Variants in LSAMP observed in about 807,000 individuals in gnomAD.
LSAMP encodes the protein limbic system associated membrane protein, also known as limbic system-associated membrane protein.
In LSAMP, 7 loss-of-function variants were observed where a neutral mutation model predicts 38.6. The ratio of observed to expected loss-of-function variants is 0.18; its 90% CI spans 0.10 to 0.34. LSAMP has a LOEUF of 0.34. Ranked by LOEUF, LSAMP falls within the 10% of genes least tolerant of loss-of-function variation. The pLI is 1.00. For synonymous variants in LSAMP, 154 were observed against 166.8 expected, an observed-to-expected ratio of 0.92 and a Z score of 0.59; for missense variants, 313 against 420.0, an observed-to-expected ratio of 0.75 and a Z score of 2.23.
At chr3:116,089,458 C>A (rs915179336) in intron 1 of LSAMP, among the ~76,000 whole-genome samples, 2 of 152,116 alleles carry the variant, frequency 1.3e-5, no homozygotes, top group Non-Finnish European at 2.9e-5. Context: ...CCCAGGTTCA[C>A]GCCATTCTCC....
chr3:116,167,158 A>G lies in LSAMP; in HGVS notation c.156-80602T>C, dbSNP rs199833152. Among the ~76,000 whole-genome samples, 32 of 152,126 alleles carry G rather than the reference A, an allele frequency of 2.1e-4. No individual in the cohort carries two copies. The East Asian group carries it at 5.0e-3, about 24-fold the overall frequency. On this transcript the variant is annotated intron_variant, in intron 1 of 6. Coordinates refer to ENST00000490035, the MANE Select transcript of LSAMP (RefSeq NM_002338.5). Reference sequence around the variant, plus strand: ...ACAGGAGGTTTTTGGCTACATGGATAAGCTCTTTAGTGGTGAGATGTCAGT... The same window carrying G: ...ACAGGAGGTTTTTGGCTACATGGATGAGCTCTTTAGTGGTGAGATGTCAGT...
chr3:116,296,694 CAAAAAAAAAAAAAAAAAA>C (rs10659032), intron 1 of LSAMP, among the ~76,000 whole-genome samples: 1 of 59,698 alleles, frequency 1.7e-5, no homozygotes, highest in Non-Finnish European at 2.9e-5. Context: ...GACTCTGTCT[CAAAAAAAAAAAAAAAAAA>C]AAAAAAAAAA....
At chr3:116,244,228 T>A (rs2046575569) in intron 1 of LSAMP, among the ~76,000 whole-genome samples, 1 of 152,166 alleles carries the variant, frequency 6.6e-6, no homozygotes, top group Non-Finnish European at 1.5e-5. Flanking sequence ...TTTCTCAACT[T>A]CTCCAGCAAT....
intron 3 of LSAMP, among the ~76,000 whole-genome samples, chr3:115,936,504 A>C (rs1370606568): frequency 6.6e-6 from 1 of 152,162 alleles, no homozygotes; most frequent in African/African-American, 2.4e-5. Flanking sequence ...TGGCCATATA[A>C]TGATTGTGGG....
At chr3:116,304,438 T>C (rs78214259) in intron 1 of LSAMP, among the ~76,000 whole-genome samples, 1,553 of 152,218 alleles carry the variant, frequency 0.01, 18 homozygotes, top group African/African-American at 0.034. Context: ...GAAAACCTTT[T>C]GAAACAACAT....
chr3:116,103,700 G>C (rs781139952), intron 1 of LSAMP, among the ~76,000 whole-genome samples: 1 of 150,924 alleles, frequency 6.6e-6, no homozygotes, highest in African/African-American at 2.4e-5. Context: ...ACATTCTTCT[G>C]TCTAAATAAG....
At chr3:116,406,083 T>C (rs1209890153) in intron 1 of LSAMP, among the ~76,000 whole-genome samples, 1 of 152,150 alleles carries the variant, frequency 6.6e-6, no homozygotes, top group Non-Finnish European at 1.5e-5. Flanking sequence ...TATTCTCTTT[T>C]AGCTCTGGTA....
chr3:116,010,045 T>A (rs1455030423), intron 3 of LSAMP, among the ~76,000 whole-genome samples: 1 of 152,096 alleles, frequency 6.6e-6, no homozygotes, highest in East Asian at 1.9e-4. Context: ...GCCTCCCAAG[T>A]AGCTGGGACT....
chr3:116,424,675 AC>A (rs2049171783), intron 1 of LSAMP, among the ~76,000 whole-genome samples: 1 of 152,182 alleles, frequency 6.6e-6, no homozygotes, highest in Non-Finnish European at 1.5e-5. Flanking sequence ...CACATTACTT[AC>A]CCAATAAATT....
chr3:115,819,095 A>G (rs1480482454), intron 6 of LSAMP, among the ~76,000 whole-genome samples: 1 of 151,350 alleles, frequency 6.6e-6, no homozygotes, highest in African/African-American at 2.4e-5. Flanking sequence ...GGTTGCAGTG[A>G]GCCGAGATCA....
intron 1 of LSAMP, among the ~76,000 whole-genome samples, chr3:116,224,577 A>G (rs2046322485): frequency 6.6e-6 from 1 of 152,200 alleles, no homozygotes; most frequent in African/African-American, 2.4e-5. Flanking sequence ...TATCTTCACA[A>G]CGTGTTCACG....
chr3:116,376,120 C>A (rs946484484), intron 1 of LSAMP, among the ~76,000 whole-genome samples: 1 of 152,012 alleles, frequency 6.6e-6, no homozygotes, highest in Non-Finnish European at 1.5e-5. Flanking sequence ...ATGTTTGGAA[C>A]ACAATCTGTA....
intron 1 of LSAMP, among the ~76,000 whole-genome samples, chr3:116,235,221 C>G (rs1210510600): frequency 6.6e-6 from 1 of 151,964 alleles, no homozygotes; most frequent in African/African-American, 2.4e-5. Context: ...CTCAAGTGAT[C>G]GTCACACCTC....
chr3:116,286,204 A>G (rs2047193159), intron 1 of LSAMP, among the ~76,000 whole-genome samples: 1 of 152,218 alleles, frequency 6.6e-6, no homozygotes, highest in Non-Finnish European at 1.5e-5. Context: ...GCTCTGGCAG[A>G]CATCCTGCCT....
chr3:116,410,879 T>C (rs2048965544), intron 1 of LSAMP, among the ~76,000 whole-genome samples: 1 of 152,098 alleles, frequency 6.6e-6, no homozygotes, highest in Non-Finnish European at 1.5e-5. Context: ...AGGGTCTTCT[T>C]TTTTGCGAAC....
intron 1 of LSAMP, among the ~76,000 whole-genome samples, chr3:116,154,672 C>T (rs1402817295): frequency 6.6e-6 from 1 of 152,110 alleles, no homozygotes; most frequent in Non-Finnish European, 1.5e-5. Flanking sequence ...TTGCTCCCTT[C>T]TTCTCCAAGG....
At chr3:116,299,776 C>T (rs1281230308) in intron 1 of LSAMP, among the ~76,000 whole-genome samples, 3 of 152,116 alleles carry the variant, frequency 2.0e-5, no homozygotes, top group East Asian at 1.9e-4. Flanking sequence ...AGAAACAAAT[C>T]GTCTATATGG....
chr3:116,131,687 C>A (rs913885259), intron 1 of LSAMP, among the ~76,000 whole-genome samples: 1 of 152,150 alleles, frequency 6.6e-6, no homozygotes, highest in Non-Finnish European at 1.5e-5. Context: ...AACCAATAAT[C>A]TTCCTCGTTG....
chr3:116,437,048 T>TAC (rs931737170), intron 1 of LSAMP, among the ~76,000 whole-genome samples: 1 of 150,124 alleles, frequency 6.7e-6, no homozygotes, highest in Non-Finnish European at 1.5e-5. Context: ...TGTGTATATA[T>TAC]ATATATACAC....
Sources: gnomAD v4.1 joint callset for allele counts (sites outside exome capture counted in the v4.1 genomes callset) on GRCh38, gnomAD v4.1.1 for gene constraint, MANE v1.5 for transcripts, NCBI Gene and HGNC (gene_info 2026-07-23, HGNC 2026-07-21) for gene names.